HPCAL1: variants seen among roughly 807,000 people sequenced by gnomAD.
HPCAL1 encodes hippocalcin like 1.
Under a neutral mutation model 17.1 loss-of-function variants are expected in HPCAL1, and 8 were observed. The ratio of observed to expected loss-of-function variants is 0.47; its 90% CI spans 0.27 to 0.84. The LOEUF (loss-of-function observed/expected upper bound fraction) is 0.84. Ranked by LOEUF, HPCAL1 falls within the 40% of genes least tolerant of loss-of-function variation. HPCAL1 has a pLI of 0.13. For synonymous variants in HPCAL1, 112 were observed against 111.4 expected (o/e 1.01, Z -0.03); for missense variants, 165 against 271.1 (o/e 0.61, Z 2.75).
In HPCAL1 at chr2:10,419,933, G is replaced by A. The variant is rs1414834340; in HGVS notation, c.176G>A (p.Gly59Asp). ...ATCTACGCCAACTTCTTCCCCTACGGCGACGCTTCCAAGTTCGCCGAGCAC... is the reference window on the plus strand; with the variant it reads ...ATCTACGCCAACTTCTTCCCCTACGACGACGCTTCCAAGTTCGCCGAGCAC... ...KKIYANFFPY[G>D]DASKFAEHVF... The change falls in exon 3 of 5, where the codon GGC (glycine) becomes GAC (aspartate). Residue 59 changes from glycine (G) to aspartate (D), a missense_variant. Physicochemically the swap from Gly to Asp is moderately conservative, Grantham distance 94 (BLOSUM62 -1). Transcript: ENST00000307845. The surrounding 1 kb of genome is among the most constrained non-coding windows in gnomAD (Gnocchi z 5.0). The A allele has an allele frequency of 6.2e-7, 1 of 1,613,808 alleles. No homozygotes were observed. The highest frequency in any genetic ancestry group is 8.5e-7 in the Non-Finnish European group (1 of 1,180,036).
In HPCAL1 at chr2:10,426,017, G is replaced by A. The variant is rs111371480; in HGVS notation, c.485-707G>A. ...TGACAGCGGTTATGGGATGGGGAGC[G>A]GAGGGTCAGAAAACCTCACCCCACC... On this transcript the variant is annotated intron_variant, in intron 4 of 4. Coordinates refer to ENST00000307845, the MANE Select transcript of HPCAL1 (RefSeq NM_002149.4). 2.4e-3 allele frequency: 366 copies of A among 152,428 alleles called. 2 individuals carry two copies. Among genetic ancestry groups the A allele is most frequent in the African/African-American group, 8.2e-3 (340 of 41,512 alleles). 9.4% of individuals were successfully genotyped at this position (152,428 alleles called of 1,614,324 possible). A position where few individuals can be genotyped will look rare whatever the true frequency, so the allele number is the denominator to read the frequency against.
Position 10,303,093 on chromosome 2 carries a change from G to GGCAGCGGCCCGGGCCCGCT in HPCAL1, c.-189_-171dup, listed in dbSNP as rs1321131510. On this transcript the variant is annotated 5_prime_UTR_variant, in exon 1 of 5. Coordinates refer to ENST00000307845, the MANE Select transcript of HPCAL1 (RefSeq NM_002149.4). ...TCCCGGCCTCGGCGCGCTTGTCCCGGGCAGCGGCCCGGGCCCGCTGCAGCC... is the reference window on the plus strand; with the variant it reads ...TCCCGGCCTCGGCGCGCTTGTCCCGGGCAGCGGCCCGGGCCCGCTGCAGCGGCCCGGGCCCGCTGCAGCC... 1 of 151,852 alleles carries GGCAGCGGCCCGGGCCCGCT rather than the reference G, an allele frequency of 6.6e-6. No homozygotes were observed. The highest frequency in any genetic ancestry group is 1.9e-4 in the East Asian group (1 of 5,158). 9.4% of individuals were successfully genotyped at this position (151,852 alleles called of 1,614,324 possible). A position where few individuals can be genotyped will look rare whatever the true frequency, so the allele number is the denominator to read the frequency against.
At chr2:10,358,572 G>A (rs549986569) in intron 1 of HPCAL1, among the ~76,000 whole-genome samples, 6 of 152,206 alleles carry the variant, frequency 3.9e-5, no homozygotes, top group Non-Finnish European at 8.8e-5. Flanking sequence ...TGGACATTGA[G>A]AGGAACACGT....
chr2:10,322,275 AG>A (rs1485975243), intron 1 of HPCAL1, among the ~76,000 whole-genome samples: 1 of 152,186 alleles, frequency 6.6e-6, no homozygotes, highest in East Asian at 1.9e-4. Context: ...CTCCCAAGTT[AG>A]CCTTATAAAG....
chr2:10,385,563 G>A (rs1332454224), intron 1 of HPCAL1, among the ~76,000 whole-genome samples: 2 of 152,188 alleles, frequency 1.3e-5, no homozygotes, highest in African/African-American at 4.8e-5. Flanking sequence ...ACTTGCGGAT[G>A]CAGAATGAGA....
Position 10,367,289 on chromosome 2 carries a change from CGTT to C in HPCAL1, c.-110-29533_-110-29531del, listed in dbSNP as rs754226098. Among the ~76,000 whole-genome samples the C allele has an allele frequency of 4.9e-4, 74 of 151,924 alleles. No individual in the cohort carries two copies. Among genetic ancestry groups the C allele is most frequent in the African/African-American group, 1.6e-3 (68 of 41,420 alleles). The stretch of plus-strand genomic sequence containing the variant: ...TTTTAAGGGGGGATTTTGTTGCTGT[CGTT>C]GTTGTTGTTGTTTTGAGACAGAGTC... On this transcript the variant is annotated intron_variant, in intron 1 of 4. Transcript: ENST00000307845. This position sits in a 1 kb window ranked among gnomAD's most constrained non-coding sequence, Gnocchi z 4.4.
intron 2 of HPCAL1, among the ~76,000 whole-genome samples, chr2:10,402,195 C>T (rs1484387954): frequency 3.9e-5 from 6 of 152,196 alleles, no homozygotes; most frequent in Non-Finnish European, 7.3e-5. Flanking sequence ...TCACCGCACC[C>T]GGCCAGGAAC....
chr2:10,368,441 T>G (rs1666998883), intron 1 of HPCAL1, among the ~76,000 whole-genome samples: 1 of 152,126 alleles, frequency 6.6e-6, no homozygotes, highest in African/African-American at 2.4e-5. Flanking sequence ...GAGGGCAGGG[T>G]GGTTCCCACC....
At chr2:10,415,205 A>G (rs1168340595) in intron 2 of HPCAL1, among the ~76,000 whole-genome samples, 1 of 150,862 alleles carries the variant, frequency 6.6e-6, no homozygotes, top group Non-Finnish European at 1.5e-5. Context: ...CCCAGGCCGC[A>G]TGGAGGGCCG....
chr2:10,380,488 T>G (rs1667870221), intron 1 of HPCAL1, among the ~76,000 whole-genome samples: 1 of 152,160 alleles, frequency 6.6e-6, no homozygotes, highest in Non-Finnish European at 1.5e-5. Flanking sequence ...CCAGCTGTGA[T>G]CCATTCAGGC....
Position 10,423,545 on chromosome 2 carries a change from G to A in HPCAL1, c.484+457G>A, listed in dbSNP as rs150249068. The A allele has an allele frequency of 2.8e-3, 476 of 172,772 alleles. 4 individuals are homozygous for A. The highest frequency in any genetic ancestry group is 1.3e-3 in the Non-Finnish European group (107 of 79,682). The allele number at this position is 172,772 out of a possible 1,614,324, so 10.7% of individuals were successfully genotyped here. On this transcript the variant is annotated intron_variant, in intron 4 of 4. Transcript: ENST00000307845. ...CCCAGTGTCCAAGGGGAACTGTCAG[G>A]ATGTACGCTGCCACCTTGTCCACCT...
At chr2:10,357,222 G>T (rs1666213210) in intron 1 of HPCAL1, among the ~76,000 whole-genome samples, 1 of 152,204 alleles carries the variant, frequency 6.6e-6, no homozygotes, top group South Asian at 2.1e-4. Context: ...AAATGTGAGG[G>T]TGGCTGAGGT....
intron 1 of HPCAL1, among the ~76,000 whole-genome samples, chr2:10,347,867 A>C (rs1161225594): frequency 6.6e-6 from 1 of 152,136 alleles, no homozygotes; most frequent in Non-Finnish European, 1.5e-5. Context: ...CTGTGTCTCA[A>C]ACATAAGAAA....
At chr2:10,391,364 C>T (rs1381622665) in intron 1 of HPCAL1, among the ~76,000 whole-genome samples, 1 of 152,238 alleles carries the variant, frequency 6.6e-6, no homozygotes, top group Admixed American at 6.5e-5. Context: ...GCTCTTTGCT[C>T]TCCTGTCCAC....
At chr2:10,389,923 C>A (rs747483629) in intron 1 of HPCAL1, among the ~76,000 whole-genome samples, 1 of 152,220 alleles carries the variant, frequency 6.6e-6, no homozygotes, top group Non-Finnish European at 1.5e-5. Context: ...TGCTGCTTCA[C>A]GGGGCATGTG....
chr2:10,401,970 A>G (rs11684382), intron 2 of HPCAL1, among the ~76,000 whole-genome samples: 81,178 of 151,894 alleles, frequency 0.53, 21,921 homozygotes, highest in South Asian at 0.66. Flanking sequence ...GTGTGATCTC[A>G]GCTCACTGCA....
chr2:10,350,785 G>T (rs981198575), intron 1 of HPCAL1, among the ~76,000 whole-genome samples: 2 of 152,162 alleles, frequency 1.3e-5, no homozygotes, highest in Admixed American at 6.5e-5. Flanking sequence ...TTGAATAGAC[G>T]TTTCTCCAAA....
intron 1 of HPCAL1, among the ~76,000 whole-genome samples, chr2:10,357,096 C>T (rs1666203406): frequency 6.6e-6 from 1 of 152,088 alleles, no homozygotes; most frequent in Non-Finnish European, 1.5e-5. Context: ...CTGGGTGACA[C>T]AGCGAGACTC....
chr2:10,380,223 G>A (rs561207422), intron 1 of HPCAL1, among the ~76,000 whole-genome samples: 1 of 152,340 alleles, frequency 6.6e-6, no homozygotes, highest in African/African-American at 2.4e-5. Context: ...TTGGTCTGGA[G>A]ACAGCAGCTT....
Sources: gnomAD v4.1 joint callset for allele counts (sites outside exome capture counted in the v4.1 genomes callset) on GRCh38, gnomAD v4.1.1 for gene constraint, Gnocchi (gnomAD v3.1) non-coding constraint, MANE v1.5 for transcripts, NCBI Gene and HGNC (gene_info 2026-07-23, HGNC 2026-07-21) for gene names.